CDK14: variants seen among roughly 807,000 people sequenced by gnomAD.
CDK14 encodes cyclin dependent kinase 14.
A neutral mutation model predicts 60.7 loss-of-function variants in CDK14; 34 were observed. The observed-to-expected ratio is 0.56, with a 90% CI of 0.43 to 0.75. The LOEUF is 0.75. Ranked by LOEUF, CDK14 falls within the 30% of genes least tolerant of loss-of-function variation. CDK14 has a pLI of 0.00. For missense variants in CDK14, 482 were observed against 564.1 expected, an observed-to-expected ratio of 0.85 and a Z score of 1.47; for synonymous variants, 197 against 203.7, an observed-to-expected ratio of 0.97 and a Z score of 0.28.
chr7:90,783,356 T>G (rs1446045820), intron 4 of CDK14, among the ~76,000 whole-genome samples: 1 of 152,196 alleles, frequency 6.6e-6, no homozygotes, highest in East Asian at 1.9e-4. Flanking sequence ...TTGCTTTGGT[T>G]GGTTGTACTT....
At position 91,172,742 on chromosome 7, in the gene CDK14, C is replaced by T. The variant is rs772025582; in HGVS notation, c.*29-34423C>T. ...ACTGAGCTCCCTACTGTGGAAATGC[C>T]GTCCTTCCTTATTCTCTTAGACTTA... On this transcript the variant is annotated intron_variant, in intron 14 of 14. Transcript: ENST00000380050. Among the ~76,000 whole-genome samples the T allele has an allele frequency of 4.6e-5, 7 of 152,128 alleles. No individual in the cohort carries two copies. In the East Asian group the frequency reaches 7.7e-4, roughly 17 times the overall value.
chr7:90,930,249 C>T (rs2117468212), intron 8 of CDK14, among the ~76,000 whole-genome samples: 1 of 151,914 alleles, frequency 6.6e-6, no homozygotes, highest in South Asian at 2.1e-4. Flanking sequence ...AAAAAAAATG[C>T]ATAGATTGCC....
chr7:91,185,529 A>G (rs908629327), intron 14 of CDK14, among the ~76,000 whole-genome samples: 5 of 152,004 alleles, frequency 3.3e-5, no homozygotes, highest in South Asian at 2.1e-4. Context: ...TGATTTATCT[A>G]TATACCCACC....
intron 13 of CDK14, 108 bp downstream of exon 13, chr7:91,112,789 C>A: frequency 8.5e-7 from 1 of 1,171,366 alleles, no homozygotes; most frequent in Non-Finnish European, 1.2e-6. Flanking sequence ...TGTCCACAAA[C>A]ATAAGATAAT....
At chr7:91,103,672 C>G (rs1231941004) in intron 12 of CDK14, among the ~76,000 whole-genome samples, 2 of 152,186 alleles carry the variant, frequency 1.3e-5, no homozygotes, top group Non-Finnish European at 2.9e-5. Flanking sequence ...CTCTTAAAGA[C>G]AATCTATTCC....
intron 3 of CDK14, among the ~76,000 whole-genome samples, chr7:90,740,497 A>T: frequency 6.6e-6 from 1 of 151,768 alleles, no homozygotes; most frequent in African/African-American, 2.4e-5. Flanking sequence ...AAGTGTAGAG[A>T]CACCAGGGAT....
At chr7:90,781,703 G>A (rs1177789755) in intron 4 of CDK14, among the ~76,000 whole-genome samples, 2 of 151,114 alleles carry the variant, frequency 1.3e-5, no homozygotes, top group African/African-American at 2.4e-5. Flanking sequence ...TTTTTCTCAG[G>A]TTTGTCAAAG....
intron 10 of CDK14, among the ~76,000 whole-genome samples, chr7:91,037,607 T>C (rs1584255213): frequency 6.6e-6 from 1 of 152,314 alleles, no homozygotes; most frequent in East Asian, 1.9e-4. Flanking sequence ...ATGGTCTCTC[T>C]AGTCACACCA....
In CDK14 at chr7:90,962,093, C is replaced by T. The variant is rs1261945857; in HGVS notation, c.947+6276C>T. 1.8e-4 allele frequency among the ~76,000 whole-genome samples: 27 copies of T among 152,176 alleles called. 1 individual carries two copies. Among genetic ancestry groups the T allele is most frequent in the Admixed American group, 1.8e-3 (27 of 15,288 alleles). The stretch of plus-strand genomic sequence containing the variant: ...ATTATCTCTGTAAGTACAGTTCTCT[C>T]ATATTAGGTTATTGTGGCATTTTAG... On this transcript the variant is annotated intron_variant, in intron 9 of 14. Transcript: ENST00000380050.
At chr7:90,683,546 A>G (rs1398706540) in intron 2 of CDK14, among the ~76,000 whole-genome samples, 1 of 152,238 alleles carries the variant, frequency 6.6e-6, no homozygotes, top group Admixed American at 6.5e-5. Flanking sequence ...CACACCTGTA[A>G]TCCCAGCACT....
chr7:90,655,353 A>G (rs1366604705), intron 2 of CDK14, among the ~76,000 whole-genome samples: 1 of 152,024 alleles, frequency 6.6e-6, no homozygotes, highest in Admixed American at 6.6e-5. Flanking sequence ...TAAATTTTGT[A>G]CTGGTGTCCC....
chr7:90,858,129 G>C (rs2117203430), intron 5 of CDK14, among the ~76,000 whole-genome samples: 1 of 152,302 alleles, frequency 6.6e-6, no homozygotes, highest in East Asian at 1.9e-4. Flanking sequence ...AGGATGTAAT[G>C]TGGAGGCTTT....
chr7:90,635,930 CTGTT>C (rs1388019967), intron 2 of CDK14, among the ~76,000 whole-genome samples: 2 of 151,952 alleles, frequency 1.3e-5, no homozygotes, highest in African/African-American at 2.4e-5. Context: ...ATTTGGCTCT[CTGTT>C]TGTCTGTTAC....
At chr7:91,206,028 T>C (rs984182776) in intron 14 of CDK14, among the ~76,000 whole-genome samples, 30 of 152,120 alleles carry the variant, frequency 2.0e-4, no homozygotes, top group Admixed American at 7.2e-4. Flanking sequence ...TCTCCTGACC[T>C]CGTGATCTGC....
chr7:91,112,716 C>T, intron 13 of CDK14, 35 bp downstream of exon 13: 1 of 1,606,126 alleles, frequency 6.2e-7, no homozygotes, highest in Non-Finnish European at 8.5e-7. Flanking sequence ...CCAGTCCAAG[C>T]AGACACATCA....
At chr7:91,127,161 T>C (rs1799974765) in intron 14 of CDK14, among the ~76,000 whole-genome samples, 1 of 152,162 alleles carries the variant, frequency 6.6e-6, no homozygotes, top group South Asian at 2.1e-4. Context: ...TCATGTATAA[T>C]TTGTTTATCA....
intron 10 of CDK14, among the ~76,000 whole-genome samples, chr7:90,997,200 C>G (rs116974884): frequency 6.6e-6 from 1 of 152,150 alleles, no homozygotes; most frequent in Non-Finnish European, 1.5e-5. Context: ...CTGTTTTGCT[C>G]TTATTCTCCT....
At chr7:90,903,559 G>C (rs1792589131) in intron 7 of CDK14, among the ~76,000 whole-genome samples, 1 of 152,110 alleles carries the variant, frequency 6.6e-6, no homozygotes, top group Admixed American at 6.6e-5. Context: ...CCAGAGGCTG[G>C]GAAGGATTTT....
intron 11 of CDK14, among the ~76,000 whole-genome samples, chr7:91,065,955 C>G (rs1032017482): frequency 2.6e-5 from 4 of 152,170 alleles, no homozygotes; most frequent in African/African-American, 4.8e-5. Context: ...TTGTAAGGGA[C>G]TGGAGCCTTT....
Sources: gnomAD v4.1 joint callset for allele counts (sites outside exome capture counted in the v4.1 genomes callset) on GRCh38, gnomAD v4.1.1 for gene constraint, MANE v1.5 for transcripts, NCBI Gene and HGNC (gene_info 2026-07-23, HGNC 2026-07-21) for gene names.